Variants in MEI1 observed in about 807,000 individuals in gnomAD.
MEI1 encodes the protein meiosis inhibitor protein 1.
A neutral mutation model predicts 146.2 loss-of-function variants in MEI1; 103 were observed. The ratio of observed to expected loss-of-function variants is 0.70; its 90% CI spans 0.60 to 0.83. MEI1 has a LOEUF of 0.83. Ranked by LOEUF, MEI1 falls within the 40% of genes least tolerant of loss-of-function variation. MEI1 has a pLI of 0.00. For missense variants in MEI1, 1,529 were observed against 1,533.0 expected (o/e 1.00, Z 0.04); for synonymous variants, 652 against 628.2 (o/e 1.04, Z -0.57).
intron 2 of MEI1, 75 bp from the exon 3 acceptor site, chr22:41,705,429 C>G: frequency 7.6e-7 from 1 of 1,312,564 alleles, no homozygotes; most frequent in South Asian, 1.2e-5. Flanking sequence ...CCTCGGCCTC[C>G]CAAATTGCTG....
intron 18 of MEI1, among the ~76,000 whole-genome samples, chr22:41,760,003 A>G (rs961254148): frequency 2.0e-5 from 3 of 151,588 alleles, no homozygotes; most frequent in Admixed American, 6.6e-5. Context: ...GTGAAACCCC[A>G]TCTCTACTAA....
intron 20 of MEI1, 117 bp from the exon 21 acceptor site, chr22:41,775,985 T>G (rs959132484): frequency 4.9e-6 from 5 of 1,010,398 alleles, no homozygotes; most frequent in Non-Finnish European, 5.9e-6. Context: ...AGTGACAGAT[T>G]ACCCAGTTTT....
At chr22:41,749,284 T>C (rs1262103140) in intron 15 of MEI1, among the ~76,000 whole-genome samples, 1 of 152,114 alleles carries the variant, frequency 6.6e-6, no homozygotes, top group Admixed American at 6.5e-5. Flanking sequence ...TTTTTCTTTT[T>C]TTTTTTTTGA....
chr22:41,759,661 A>G (rs926124683), intron 18 of MEI1, among the ~76,000 whole-genome samples: 3 of 146,584 alleles, frequency 2.0e-5, no homozygotes, highest in African/African-American at 5.1e-5. Context: ...ATAAATAAAT[A>G]AAAATAAAAA....
rs1406488009 is a variant in MEI1, at chr22:41,785,911, T to TTTA, written c.3345+1130_3345+1131insATT. Among the ~76,000 whole-genome samples, 8 of 108,880 alleles carry TTTA rather than the reference T, an allele frequency of 7.3e-5. 1 individual carries two copies. The highest frequency in any genetic ancestry group is 3.1e-4 in the South Asian group (1 of 3,184). 71.4% of individuals were successfully genotyped at this position (108,880 alleles called of 152,430 possible). On this transcript the variant is annotated intron_variant, in intron 26 of 30. Transcript: ENST00000401548. ...TATTTTTTTATTTTTTTATTTTTTA[T>TTTA]TTTATTTTTTTTTTTTTGAGACGGA...
At chr22:41,706,471 G>T (rs1297779904) in intron 3 of MEI1, among the ~76,000 whole-genome samples, 2 of 152,140 alleles carry the variant, frequency 1.3e-5, no homozygotes, top group Non-Finnish European at 2.9e-5. Context: ...GATGAGTGCT[G>T]TTACAAAGGC....
chr22:41,742,261 G>A (rs945686502), intron 11 of MEI1, among the ~76,000 whole-genome samples: 2 of 151,994 alleles, frequency 1.3e-5, no homozygotes, highest in African/African-American at 4.8e-5. Context: ...CTCCATCTCT[G>A]GATCTTAGTA....
At chr22:41,747,731 C>A (rs1273319011) in intron 14 of MEI1, among the ~76,000 whole-genome samples, 2 of 147,136 alleles carry the variant, frequency 1.4e-5, no homozygotes, top group African/African-American at 2.5e-5. Flanking sequence ...CCACCCCCAC[C>A]CCCCCAAAAA....
At chr22:41,773,839 C>T (rs908816771) in intron 20 of MEI1, among the ~76,000 whole-genome samples, 2 of 152,176 alleles carry the variant, frequency 1.3e-5, no homozygotes, top group East Asian at 3.8e-4. Flanking sequence ...CGAGCCACTG[C>T]ACTCCAGCCT....
At chr22:41,715,507 T>G (rs888741274) in intron 4 of MEI1, among the ~76,000 whole-genome samples, 1 of 151,918 alleles carries the variant, frequency 6.6e-6, no homozygotes, top group African/African-American at 2.4e-5. Flanking sequence ...GCCATTCTCC[T>G]GCCTCAGCCT....
chr22:41,720,452 AC>A (rs961501562), intron 6 of MEI1, among the ~76,000 whole-genome samples: 40 of 152,086 alleles, frequency 2.6e-4, no homozygotes, highest in African/African-American at 8.9e-4. Flanking sequence ...TTATTTTGAG[AC>A]AGGGTCTTGT....
chr22:41,706,045 G>A (rs2069070389), intron 3 of MEI1, among the ~76,000 whole-genome samples: 1 of 144,816 alleles, frequency 6.9e-6, no homozygotes, highest in Admixed American at 6.9e-5. Context: ...TTGAGACATG[G>A]GCTCATTCTG....
intron 12 of MEI1, among the ~76,000 whole-genome samples, chr22:41,743,757 T>C (rs1418174863): frequency 6.6e-6 from 1 of 152,204 alleles, no homozygotes; most frequent in Non-Finnish European, 1.5e-5. Flanking sequence ...GAGCAACTAA[T>C]AGGGCCATTA....
intron 30 of MEI1, among the ~76,000 whole-genome samples, chr22:41,796,150 G>A (rs1221479216): frequency 6.6e-6 from 1 of 152,108 alleles, no homozygotes; most frequent in Non-Finnish European, 1.5e-5. Context: ...AGTTCCTACA[G>A]AAAGCAGGCA....
chr22:41,765,284 G>A (rs1280591893), intron 19 of MEI1, among the ~76,000 whole-genome samples: 1 of 152,116 alleles, frequency 6.6e-6, no homozygotes, highest in African/African-American at 2.4e-5. Context: ...TCAAAGTGCT[G>A]GGATTACAGG....
chr22:41,745,032 C>T lies in MEI1; in HGVS notation c.1506C>T (p.Leu502=). Residue 502 remains leucine, a synonymous_variant, in exon 13 of 31, where the codon CTC becomes CTT. Coordinates refer to ENST00000401548, the MANE Select transcript of MEI1 (RefSeq NM_152513.4). ...KAILQRGKFL[L]STLEGFRSAC... is the part of the protein sequence containing the mutation. ...TTCTTCAAAGGGGAAAGTTCCTCCT[C>T]AGCACTCTGGAGGGATTTAGAAGTG... The T allele has an allele frequency of 6.4e-7, 1 of 1,565,104 alleles. No individual in the cohort carries two copies. Among genetic ancestry groups the T allele is most frequent in the Non-Finnish European group, 8.7e-7 (1 of 1,154,058 alleles).
At chr22:41,765,480 C>A (rs2074788567) in intron 19 of MEI1, among the ~76,000 whole-genome samples, 1 of 151,890 alleles carries the variant, frequency 6.6e-6, no homozygotes, top group African/African-American at 2.4e-5. Flanking sequence ...GACGTTGTCT[C>A]AAAAAATAAG....
rs1010018964 is a variant in MEI1, at chr22:41,699,761, T to G, written c.174+49T>G. 5.3e-6 allele frequency: 8 copies of G among 1,509,104 alleles called. No homozygotes were observed. The African/African-American group carries it at 1.1e-4, about 21-fold the overall frequency. 93.5% of individuals were successfully genotyped at this position (1,509,104 alleles called of 1,614,324 possible). A position where few individuals can be genotyped will look rare whatever the true frequency, so the allele number is the denominator to read the frequency against. On this transcript the variant is annotated intron_variant, in intron 1 of 30. Coordinates refer to ENST00000401548, the MANE Select transcript of MEI1 (RefSeq NM_152513.4). ...GAAGACCTGGGTTTGGCCATTTCCC[T>G]CAGCAAACGCGGCCAGGCCCTTGCC...
chr22:41,764,100 A>G (rs891728871), intron 19 of MEI1, among the ~76,000 whole-genome samples: 2 of 152,012 alleles, frequency 1.3e-5, no homozygotes, highest in African/African-American at 2.4e-5. Context: ...AGCTGGGACT[A>G]CTGGCGCCCG....
Sources: gnomAD v4.1 joint callset for allele counts (sites outside exome capture counted in the v4.1 genomes callset) on GRCh38, gnomAD v4.1.1 for gene constraint, MANE v1.5 for transcripts, NCBI Gene and HGNC (gene_info 2026-07-23, HGNC 2026-07-21) for gene names.